SSH1: variants seen among roughly 807,000 people sequenced by gnomAD.
SSH1 encodes the protein slingshot protein phosphatase 1.
A neutral mutation model predicts 79.7 loss-of-function variants in SSH1; 43 were observed. The ratio of observed to expected loss-of-function variants is 0.54; its 90% CI spans 0.42 to 0.70. SSH1 has a LOEUF of 0.70. SSH1 is among the 30% of genes least tolerant of loss of function. The pLI is 0.00. For missense variants in SSH1, 1,206 were observed against 1,358.8 expected (o/e 0.89, Z 1.77); for synonymous variants, 599 against 538.3 (o/e 1.11, Z -1.56).
chr12:108,809,955 G>C (rs1431737342), intron 6 of SSH1, among the ~76,000 whole-genome samples, 197 bp from the exon 7 acceptor site: 1 of 152,100 alleles, frequency 6.6e-6, no homozygotes, highest in Non-Finnish European at 1.5e-5. Context: ...TCCCAGATGA[G>C]GAGGGCTTGT....
rs577319158 is a variant in SSH1 at position 108,828,850 on chromosome 12, A to C, written c.111-5489T>G. On this transcript the variant is annotated intron_variant, in intron 2 of 14. Transcript: ENST00000326495. Reference sequence around the variant, plus strand: ...TCAACAGGACTATTATTTACTGAGGATCTCCCATGTGGCCAAGGCTGTAGG... The same window carrying C: ...TCAACAGGACTATTATTTACTGAGGCTCTCCCATGTGGCCAAGGCTGTAGG... 4.6e-5 allele frequency among the ~76,000 whole-genome samples: 7 copies of C among 152,246 alleles called. No homozygotes were observed. In the East Asian group the frequency reaches 1.4e-3, roughly 29 times the overall value.
intron 11 of SSH1, among the ~76,000 whole-genome samples, chr12:108,801,856 C>T (rs764008783): frequency 3.3e-5 from 5 of 152,014 alleles, no homozygotes; most frequent in Admixed American, 6.6e-5. Context: ...CAACACTGAG[C>T]GTAAAGTTGC....
chr12:108,791,836 G>T, intron 14 of SSH1: 1 of 766,826 alleles, frequency 1.3e-6, no homozygotes, highest in Non-Finnish European at 1.7e-6. Flanking sequence ...CTAAATCTGG[G>T]ATTGGTTCCA....
At chr12:108,814,804 G>C (rs2037808154) in intron 5 of SSH1, among the ~76,000 whole-genome samples, 1 of 152,234 alleles carries the variant, frequency 6.6e-6, no homozygotes, top group South Asian at 2.1e-4. Context: ...TGGGAGAACT[G>C]AAGTCGGGGT....
intron 13 of SSH1, among the ~76,000 whole-genome samples, chr12:108,797,994 T>C (rs1257632171): frequency 6.6e-6 from 1 of 152,134 alleles, no homozygotes; most frequent in Admixed American, 6.5e-5. Context: ...TAAAGGAGTA[T>C]TATAACACAC....
intron 2 of SSH1, among the ~76,000 whole-genome samples, chr12:108,837,261 G>A (rs1435478584): frequency 1.3e-5 from 2 of 152,080 alleles, no homozygotes; most frequent in Non-Finnish European, 2.9e-5. Flanking sequence ...TAAAATCCAG[G>A]CCACAAGAGT....
chr12:108,820,772 T>C (rs763968838), intron 3 of SSH1, among the ~76,000 whole-genome samples: 1 of 152,206 alleles, frequency 6.6e-6, no homozygotes, highest in Non-Finnish European at 1.5e-5. Context: ...TTCAGGAGAC[T>C]TGATGGTAAT....
At chr12:108,837,555 G>C (rs1016447971) in intron 2 of SSH1, among the ~76,000 whole-genome samples, 1 of 152,144 alleles carries the variant, frequency 6.6e-6, no homozygotes, top group African/African-American at 2.4e-5. Context: ...AAAAAAGAAA[G>C]TTCTTTTCAC....
At chr12:108,809,982 C>T (rs1024303821) in intron 6 of SSH1, among the ~76,000 whole-genome samples, 1 of 152,056 alleles carries the variant, frequency 6.6e-6, no homozygotes, top group Non-Finnish European at 1.5e-5. Context: ...CCCAGCACTG[C>T]GAGTTCCACC....
chr12:108,806,189 A>T lies in SSH1; in HGVS notation c.825+112T>A, dbSNP rs1018727218. The stretch of plus-strand genomic sequence containing the variant: ...AAAAGCCTCCGGGGGCTGATACCAG[A>T]GGACAGGTAAAGACAACCAGATGTT... On this transcript the variant is annotated intron_variant, in intron 9 of 14. Coordinates refer to ENST00000326495, the MANE Select transcript of SSH1 (RefSeq NM_018984.4). The T allele has an allele frequency of 3.0e-6, 3 of 1,009,320 alleles. No individual in the cohort carries two copies. The African/African-American group carries it at 4.7e-5, about 16-fold the overall frequency. The allele number at this position is 1,009,320 out of a possible 1,614,324, so 62.5% of individuals were successfully genotyped here.
chr12:108,844,654 G>A (rs1166986654), intron 2 of SSH1, among the ~76,000 whole-genome samples: 1 of 152,220 alleles, frequency 6.6e-6, no homozygotes. Context: ...AGGGACCAGA[G>A]AACAAGATGG....
chr12:108,796,213 G>A (rs2137007063), intron 13 of SSH1, among the ~76,000 whole-genome samples: 1 of 152,260 alleles, frequency 6.6e-6, no homozygotes, highest in Admixed American at 6.5e-5. Flanking sequence ...ACCACACCCG[G>A]CCTCATCTTG....
chr12:108,805,694 T>TAAA (rs34446364), intron 9 of SSH1, among the ~76,000 whole-genome samples: 1 of 144,548 alleles, frequency 6.9e-6, no homozygotes, highest in South Asian at 2.2e-4. Flanking sequence ...CCAAGTCTCT[T>TAAA]AAAAAAAAAA....
Position 108,827,676 on chromosome 12 carries a change from C to T in SSH1, c.111-4315G>A, listed in dbSNP as rs550652690. The T allele has an allele frequency of 5.4e-5, 38 of 704,564 alleles. No individual in the cohort carries two copies. In the South Asian group the frequency reaches 8.5e-4, roughly 16 times the overall value. The allele number at this position is 704,564 out of a possible 1,614,324, so 43.6% of individuals were successfully genotyped here. On this transcript the variant is annotated intron_variant, in intron 2 of 14. Coordinates refer to ENST00000326495, the MANE Select transcript of SSH1 (RefSeq NM_018984.4). ...AGAAACAAGCACCGGGGTGTGCATT[C>T]GACATTGTGAGGGCAAACAACTGGC...
chr12:108,853,546 C>T (rs949805380), intron 1 of SSH1, among the ~76,000 whole-genome samples: 4 of 151,588 alleles, frequency 2.6e-5, no homozygotes, highest in African/African-American at 9.7e-5. Flanking sequence ...GAGCCAAGGG[C>T]GAAGGAAAAA....
Position 108,786,778 on chromosome 12 carries a change from T to C in SSH1, c.*1210A>G, listed in dbSNP as rs1255366018. The C allele has an allele frequency of 1.3e-5, 2 of 152,200 alleles. No individual in the cohort carries two copies. The highest frequency in any genetic ancestry group is 1.3e-4 in the Admixed American group (2 of 15,280). 9.4% of individuals were successfully genotyped at this position (152,200 alleles called of 1,614,324 possible). ...TCTGCTTTTCTGCAAGCTGCCTCTC[T>C]CTCGAAATGTTTTGACATCTAGCTT... is the stretch of plus-strand genomic sequence containing the variant. On this transcript the variant is annotated 3_prime_UTR_variant, in exon 15 of 15. Transcript: ENST00000326495.
intron 2 of SSH1, among the ~76,000 whole-genome samples, chr12:108,830,496 C>T (rs2038447241): frequency 6.6e-6 from 1 of 152,082 alleles, no homozygotes; most frequent in East Asian, 1.9e-4. Context: ...TCAGAAGACA[C>T]AGAGAAAACA....
intron 14 of SSH1, 33 bp downstream of exon 14, chr12:108,792,253 G>A: frequency 1.2e-6 from 2 of 1,614,136 alleles, no homozygotes; most frequent in South Asian, 1.1e-5. Flanking sequence ...GAAGGGATGG[G>A]GTGTGCCACC....
intron 2 of SSH1, among the ~76,000 whole-genome samples, chr12:108,838,744 C>T (rs77940911): frequency 0.012 from 1,842 of 152,304 alleles, 37 homozygotes; most frequent in African/African-American, 0.041. Flanking sequence ...CTTGTGAACA[C>T]CACAGGTATC....
Sources: allele counts gnomAD v4.1 joint callset (sites outside exome capture counted in the v4.1 genomes callset), GRCh38; gene constraint gnomAD v4.1.1; transcripts MANE v1.5; gene names NCBI Gene and HGNC (gene_info 2026-07-23, HGNC 2026-07-21).